HNRNPU: variants seen among roughly 807,000 people sequenced by gnomAD.
HNRNPU encodes the protein heterogeneous nuclear ribonucleoprotein U.
In HNRNPU, 5 loss-of-function variants were observed where a neutral mutation model predicts 94.7. The ratio of observed to expected loss-of-function variants is 0.05; its 90% confidence interval spans 0.03 to 0.11. The LOEUF (loss-of-function observed/expected upper bound fraction) is 0.11, where lower values mean the gene tolerates loss of function less well. Among genes scored for constraint, HNRNPU ranks in the 10% least tolerant of loss-of-function variants. HNRNPU has a pLI of 1.00. For synonymous variants in HNRNPU, 434 were observed against 381.6 expected, an observed-to-expected ratio of 1.14 and a Z score of -1.60; for missense variants, 710 against 1,049.2, an observed-to-expected ratio of 0.68 and a Z score of 4.47.
chr1:244,855,106 TGAGA>T, intron 12 of HNRNPU, 62 bp from the exon 13 acceptor site: 3 of 1,341,576 alleles, frequency 2.2e-6, no homozygotes, highest in South Asian at 1.2e-5. Flanking sequence ...TTTGTGGGGG[TGAGA>T]GAGAGGAGCA....
chr1:244,863,777 G>A lies in HNRNPU; in HGVS notation c.531C>T (p.Arg177=). ...ATQQQQPQQQ[R]GAAKEAAGKS... ...TCCCCGCGGCCTCCTTGGCGGCCCC[G>A]CGCTGCTGTTGGGGCTGTTGCTGCT... The change falls in exon 1 of 14, where the codon CGC becomes CGT. Residue 177 remains arginine, a synonymous_variant. Transcript: ENST00000640218. 4 of 1,595,966 alleles carry A rather than the reference G, an allele frequency of 2.5e-6. No homozygotes were observed. Among genetic ancestry groups the A allele is most frequent in the Non-Finnish European group, 3.4e-6 (4 of 1,173,990 alleles).
Position 244,857,737 on chromosome 1 carries a change from T to A in HNRNPU, c.1495-20A>T, listed in dbSNP as rs2102986414. 6.2e-7 allele frequency: 1 copy of A among 1,609,616 alleles called. No homozygotes were observed. Among genetic ancestry groups the A allele is most frequent in the East Asian group, 2.2e-5 (1 of 44,844 alleles). Reference sequence around the variant, plus strand: ...CACAACCTAGTGAAAAGAAAAGAAATGTCATTTCACTGTCAGTAGACACCA... The same window carrying A: ...CACAACCTAGTGAAAAGAAAAGAAAAGTCATTTCACTGTCAGTAGACACCA... On this transcript the variant is annotated intron_variant, in intron 7 of 13. Transcript: ENST00000640218.
intron 1 of HNRNPU, 194 bp from the exon 2 acceptor site, chr1:244,862,924 T>C: frequency 3.3e-6 from 2 of 602,770 alleles, no homozygotes; most frequent in Non-Finnish European, 5.9e-6. Context: ...AAGACATTAC[T>C]AATTTTGCCA....
intron 3 of HNRNPU, 174 bp downstream of exon 3, chr1:244,862,287 C>T: frequency 1.7e-6 from 1 of 575,938 alleles, no homozygotes; most frequent in Non-Finnish European, 3.0e-6. Context: ...CTTAATACAA[C>T]TGATGACGTG....
rs201849132 is a variant in HNRNPU, at chr1:244,863,697, C to T, written c.611G>A (p.Arg204Lys). 1.9e-6 allele frequency: 3 copies of T among 1,566,062 alleles called. No individual in the cohort carries two copies. In the African/African-American group the frequency reaches 4.2e-5, roughly 22 times the overall value. The change falls in exon 1 of 14, where the codon AGG (arginine) becomes AAG (lysine). Residue 204 changes from arginine to lysine, a missense_variant. By Grantham distance (26) the Arg-to-Lys change is conservative. This residue lies in a region of HNRNPU where 292 missense variants were observed against 293.4 expected (regional missense o/e 1.00). Coordinates refer to ENST00000640218, the MANE Select transcript of HNRNPU (RefSeq NM_031844.3). The stretch of plus-strand genomic sequence containing the variant: ...ACCTCCCGCCTGCTGCTGGCCCTGC[C>T]TCGCCCCGGGCGGCGCCACCGTCAC... The part of the protein sequence containing the change: ...FAVTVAPPGA[R>K]QGQQQAGGKK...
rs1680579835 is a variant in HNRNPU, at chr1:244,852,683, A to C, written c.*1767T>G. 1 of 152,206 alleles carries C rather than the reference A, an allele frequency of 6.6e-6. No homozygotes were observed. Among genetic ancestry groups the C allele is most frequent in the African/African-American group, 2.4e-5 (1 of 41,448 alleles). The allele number at this position is 152,206 out of a possible 1,614,324, so 9.4% of individuals were successfully genotyped here. A position where few individuals can be genotyped will look rare whatever the true frequency, so the allele number is the denominator to read the frequency against. ...AAAAATGTCTCAACTGAACCTATACATCACCTAAACTCCAGCTTATAGCAA... is the reference window on the plus strand; with the variant it reads ...AAAAATGTCTCAACTGAACCTATACCTCACCTAAACTCCAGCTTATAGCAA... On this transcript the variant is annotated 3_prime_UTR_variant, in exon 14 of 14. Transcript: ENST00000640218.
chr1:244,860,743 T>C, intron 3 of HNRNPU: 1 of 518,640 alleles, frequency 1.9e-6, no homozygotes, highest in East Asian at 3.2e-5. Flanking sequence ...ATCAAGACAA[T>C]GTGACATTAA....
rs757534329 is a variant in HNRNPU, at chr1:244,851,381, TAA to T, written c.*3067_*3068del. On this transcript the variant is annotated 3_prime_UTR_variant, in exon 14 of 14. Transcript: ENST00000640218. ...ACCCATTATTCACATGGTCCTAGAA[TAA>T]AAAGTCAATTTATATTGTGAATAAA... is the stretch of plus-strand genomic sequence containing the variant. The T allele has an allele frequency of 6.6e-5, 10 of 152,208 alleles. 1 individual carries two copies. Among genetic ancestry groups the T allele is most frequent in the Admixed American group, 1.3e-4 (2 of 15,276 alleles). The allele number at this position is 152,208 out of a possible 1,614,324, so 9.4% of individuals were successfully genotyped here.
In HNRNPU at chr1:244,864,477, T is replaced by A. The variant is rs1199884467; in HGVS notation, c.-170A>T. On this transcript the variant is annotated 5_prime_UTR_variant, in exon 1 of 14. Coordinates refer to ENST00000640218, the MANE Select transcript of HNRNPU (RefSeq NM_031844.3). ...CCGCCTGGTGTCGAACGGCGCCAAT[T>A]CCTTTCACCGAGTTCGCGAGGGAGA... The A allele has an allele frequency of 8.6e-7, 1 of 1,165,960 alleles. No homozygotes were observed. Among genetic ancestry groups the A allele is most frequent in the East Asian group, 2.8e-5 (1 of 35,550 alleles). The allele number at this position is 1,165,960 out of a possible 1,614,324, so 72.2% of individuals were successfully genotyped here.
Position 244,863,939 on chromosome 1 carries a change from C to A in HNRNPU, c.369G>T (p.Glu123Asp). 6.2e-7 allele frequency: 1 copy of A among 1,613,840 alleles called. No individual in the cohort carries two copies. ...TCTCGTCTTCCGAGGCGGCCTCCTC[C>A]TCCTCCATCGGGCCCGAGTCGGCCG... ...AGAADSGPME[E>D]EEAASEDENG... The change falls in exon 1 of 14, where the codon GAG (glutamate) becomes GAT (aspartate). Residue 123 changes from glutamate to aspartate, a missense_variant. Glu to Asp is a conservative substitution (Grantham distance 45). This residue lies in a region of HNRNPU where 292 missense variants were observed against 293.4 expected (regional missense o/e 1.00). Coordinates refer to ENST00000640218, the MANE Select transcript of HNRNPU (RefSeq NM_031844.3).
At chr1:244,862,402 A>AAAAAAAAAC (rs1327668101) in intron 3 of HNRNPU, 59 bp downstream of exon 3, 26 of 1,198,576 alleles carry the variant, frequency 2.2e-5, no homozygotes, top group Middle Eastern at 4.0e-4. Flanking sequence ...TTCTAAAAAA[A>AAAAAAAAAC]AAAAAAAAAA....
chr1:244,864,123 A>G lies in HNRNPU; in HGVS notation c.185T>C (p.Leu62Pro), dbSNP rs750566995. ...CGAGCGCCCAGCGGAATCCCCGCCC[A>G]GGTCTAGGCTGCCGTTCCCGGGCTC... ...AMEPGNGSLD[L>P]GGDSAGRSGA... The change falls in exon 1 of 14, where the codon CTG (leucine) becomes CCG (proline). Residue 62 changes from leucine (L) to proline (P), a missense_variant. Physicochemically the swap from Leu to Pro is moderately conservative, Grantham distance 98 (BLOSUM62 -3). This residue lies in a region of HNRNPU where 292 missense variants were observed against 293.4 expected (regional missense o/e 1.00). Coordinates refer to ENST00000640218, the MANE Select transcript of HNRNPU (RefSeq NM_031844.3). 1.3e-6 allele frequency: 2 copies of G among 1,598,764 alleles called. No individual in the cohort carries two copies. The highest frequency in any genetic ancestry group is 1.7e-6 in the Non-Finnish European group (2 of 1,172,890).
intron 11 of HNRNPU, 123 bp downstream of exon 11, chr1:244,855,781 G>A (rs551032282): frequency 7.8e-7 from 1 of 1,279,926 alleles, no homozygotes; most frequent in East Asian, 2.3e-5. Flanking sequence ...CAAATCACAT[G>A]AATACTTTAG....
intron 1 of HNRNPU, among the ~76,000 whole-genome samples, 154 bp downstream of exon 1, chr1:244,863,463 C>G (rs1680907694): frequency 6.6e-6 from 1 of 150,910 alleles, no homozygotes; most frequent in Non-Finnish European, 1.5e-5. Context: ...GGCCTCTCGG[C>G]TAATCTGGGA....
At chr1:244,855,273 A>G in intron 12 of HNRNPU, 151 bp downstream of exon 12, 1 of 812,036 alleles carries the variant, frequency 1.2e-6, no homozygotes, top group Non-Finnish European at 2.0e-6. Flanking sequence ...AAAAGTAAGT[A>G]GACTCATTTC....
Position 244,864,448 on chromosome 1 carries a change from G to T in HNRNPU, c.-141C>A. On this transcript the variant is annotated 5_prime_UTR_variant, in exon 1 of 14. Transcript: ENST00000640218. The stretch of plus-strand genomic sequence containing the variant: ...TGGAGATGGGTTCGTGCTGCAGAGC[G>T]GATCCGCCTGGTGTCGAACGGCGCC... 3 of 1,407,920 alleles carry T rather than the reference G, an allele frequency of 2.1e-6. No homozygotes were observed. The highest frequency in any genetic ancestry group is 9.5e-7 in the Non-Finnish European group (1 of 1,047,276). The allele number at this position is 1,407,920 out of a possible 1,614,324, so 87.2% of individuals were successfully genotyped here.
chr1:244,854,744 GTA>G (rs2102984492), intron 13 of HNRNPU: 1 of 521,350 alleles, frequency 1.9e-6, no homozygotes, highest in East Asian at 3.0e-5. Flanking sequence ...TAAAAGAACT[GTA>G]TATATTAAAT....
rs1470974863 is a variant in HNRNPU, at chr1:244,852,636, T to C, written c.*1814A>G. On this transcript the variant is annotated 3_prime_UTR_variant, in exon 14 of 14. Transcript: ENST00000640218. ...TCTTCAACTGTTAAATATCTTATGT[T>C]AACTAAGGATTTGCCTGTTCCAAAA... The C allele has an allele frequency of 6.6e-6, 1 of 152,210 alleles. No individual in the cohort carries two copies. The highest frequency in any genetic ancestry group is 2.4e-5 in the African/African-American group (1 of 41,452). 9.4% of individuals were successfully genotyped at this position (152,210 alleles called of 1,614,324 possible).
At chr1:244,863,295 C>T (rs1680897078) in intron 1 of HNRNPU, among the ~76,000 whole-genome samples, 1 of 150,570 alleles carries the variant, frequency 6.6e-6, no homozygotes. Flanking sequence ...GCGGGCCGAC[C>T]GGGCTCCCTC....
Sources: gnomAD v4.1 joint callset for allele counts (sites outside exome capture counted in the v4.1 genomes callset) on GRCh38, gnomAD v4.1.1 for gene constraint, gnomAD v4.1.1 regional missense constraint, MANE v1.5 for transcripts, NCBI Gene and HGNC (gene_info 2026-07-23, HGNC 2026-07-21) for gene names.